The following TMEM221 variants were observed in gnomAD, a reference collection of about 807,000 sequenced individuals.
TMEM221 encodes transmembrane protein 221, also known as Putative transmembrane protein ENSP00000342162.
Under a neutral mutation model 10.2 loss-of-function variants are expected in TMEM221, and 11 were observed. The ratio of observed to expected loss-of-function variants is 1.08; its 90% CI spans 0.68 to 1.79. TMEM221 has a LOEUF of 1.79. Among genes scored for constraint, TMEM221 ranks in the 40% most tolerant of loss-of-function variants. TMEM221 has a pLI of 0.00. For synonymous variants in TMEM221, 172 were observed against 199.8 expected (o/e 0.86, Z 1.18); for missense variants, 382 against 417.7 (o/e 0.91, Z 0.75).
At position 17,436,412 on chromosome 19, in the gene TMEM221, A is replaced by G. The variant is rs567611874; in HGVS notation, c.*46T>C. On this transcript the variant is annotated 3_prime_UTR_variant, in exon 3 of 3. Transcript: ENST00000341130. ...TGCAGCTGAACCCGAACCTATCTCT[A>G]TGGTATCCTTTTCTTACACCAGGTC... is the stretch of plus-strand genomic sequence containing the variant. The G allele has an allele frequency of 4.3e-5, 62 of 1,435,502 alleles. No homozygotes were observed. In the African/African-American group the frequency reaches 8.5e-4, roughly 20 times the overall value. 88.9% of individuals were successfully genotyped at this position (1,435,502 alleles called of 1,614,324 possible).
intron 2 of TMEM221, among the ~76,000 whole-genome samples, chr19:17,442,984 CGTG>C (rs1568398275): frequency 6.6e-6 from 1 of 151,700 alleles, no homozygotes; most frequent in Admixed American, 6.6e-5. Flanking sequence ...GAGGGCCTGG[CGTG>C]GTGGCTCAGG....
chr19:17,446,446 G>T (rs936772326), intron 1 of TMEM221, among the ~76,000 whole-genome samples: 2 of 152,130 alleles, frequency 1.3e-5, no homozygotes, highest in Non-Finnish European at 2.9e-5. Flanking sequence ...ACCCCAAGAG[G>T]TGAGACTGAT....
At chr19:17,441,637 A>C (rs909383463) in intron 2 of TMEM221, among the ~76,000 whole-genome samples, 1 of 151,440 alleles carries the variant, frequency 6.6e-6, no homozygotes, top group African/African-American at 2.5e-5. Flanking sequence ...CTGAGACTTT[A>C]GCCTGGGCTA....
In TMEM221 at chr19:17,435,672, C is replaced by T. The variant is rs1017039448; in HGVS notation, c.*786G>A. On this transcript the variant is annotated 3_prime_UTR_variant, in exon 3 of 3. Transcript: ENST00000341130. ...TTGAGGACCTATTGTGTGGGGGTCC[C>T]CGGAATGCCTCACATGAAGTCATGT... is the stretch of plus-strand genomic sequence containing the variant. 6.6e-6 allele frequency: 1 copy of T among 152,210 alleles called. No individual in the cohort carries two copies. Among genetic ancestry groups the T allele is most frequent in the Non-Finnish European group, 1.5e-5 (1 of 68,070 alleles). The allele number at this position is 152,210 out of a possible 1,614,324, so 9.4% of individuals were successfully genotyped here.
At position 17,436,347 on chromosome 19, in the gene TMEM221, G is replaced by C; in HGVS notation, c.*111C>G. The C allele has an allele frequency of 9.2e-7, 1 of 1,083,292 alleles. No homozygotes were observed. The highest frequency in any genetic ancestry group is 1.3e-6 in the Non-Finnish European group (1 of 795,576). The allele number at this position is 1,083,292 out of a possible 1,614,324, so 67.1% of individuals were successfully genotyped here. A position where few individuals can be genotyped will look rare whatever the true frequency, so the allele number is the denominator to read the frequency against. ...GGCAACCTTGAGGACAAAAGCCAAG[G>C]ATGCAATAAAATGAGAGAAAAATCA... On this transcript the variant is annotated 3_prime_UTR_variant, in exon 3 of 3. Transcript: ENST00000341130.
At chr19:17,445,666 CCATCCATTTATCCATTCATCCATT>C (rs2074950231) in intron 1 of TMEM221, among the ~76,000 whole-genome samples, 1 of 151,718 alleles carries the variant, frequency 6.6e-6, no homozygotes. Flanking sequence ...ATCCATCCAT[CCATCCATTTATCCATTCATCCATT>C]CATCCACCCA....
At chr19:17,440,560 AC>A (rs1254122769) in intron 2 of TMEM221, among the ~76,000 whole-genome samples, 1 of 152,150 alleles carries the variant, frequency 6.6e-6, no homozygotes, top group Non-Finnish European at 1.5e-5. Flanking sequence ...GTACTTTGCC[AC>A]AGTGAAACTG....
Position 17,436,398 on chromosome 19 carries a change from C to T in TMEM221, c.*60G>A. 7.2e-7 allele frequency: 1 copy of T among 1,395,918 alleles called. No individual in the cohort carries two copies. Among genetic ancestry groups the T allele is most frequent in the Non-Finnish European group, 9.4e-7 (1 of 1,067,694 alleles). 86.5% of individuals were successfully genotyped at this position (1,395,918 alleles called of 1,614,324 possible). A position where few individuals can be genotyped will look rare whatever the true frequency, so the allele number is the denominator to read the frequency against. On this transcript the variant is annotated 3_prime_UTR_variant, in exon 3 of 3. Coordinates refer to ENST00000341130, the MANE Select transcript of TMEM221 (RefSeq NM_001190844.2). ...AGTCCTACTGCTACTGCAGCTGAAC[C>T]CGAACCTATCTCTATGGTATCCTTT...
chr19:17,439,313 G>A (rs1277750584), intron 2 of TMEM221, among the ~76,000 whole-genome samples: 4 of 151,978 alleles, frequency 2.6e-5, no homozygotes, highest in African/African-American at 9.7e-5. Flanking sequence ...GGATGAACCA[G>A]GAAAACATCG....
In TMEM221 at chr19:17,448,035, G is replaced by T; in HGVS notation, c.320+108C>A. ...ATGGAGTGGTGGGGAGAGGGAAGTG[G>T]GGAGGGAAGCTGTCCCCCCAGCCTG... is the stretch of plus-strand genomic sequence containing the variant. On this transcript the variant is annotated intron_variant, in intron 1 of 2. Transcript: ENST00000341130. This position sits in a 1 kb window ranked among gnomAD's most constrained non-coding sequence, Gnocchi z 4.7. 1 of 892,548 alleles carries T rather than the reference G, an allele frequency of 1.1e-6. No homozygotes were observed. The highest frequency in any genetic ancestry group is 1.5e-6 in the Non-Finnish European group (1 of 678,114). 55.3% of individuals were successfully genotyped at this position (892,548 alleles called of 1,614,324 possible).
At chr19:17,440,996 C>T (rs2074929681) in intron 2 of TMEM221, among the ~76,000 whole-genome samples, 1 of 152,030 alleles carries the variant, frequency 6.6e-6, no homozygotes, top group African/African-American at 2.4e-5. Flanking sequence ...TCACTTGAGG[C>T]CAGGAGTTTG....
intron 2 of TMEM221, among the ~76,000 whole-genome samples, chr19:17,437,317 T>C (rs1012335169): frequency 2.0e-5 from 3 of 152,096 alleles, no homozygotes; most frequent in African/African-American, 7.2e-5. Context: ...GCTGAGACCC[T>C]GGGGAAGAAG....
intron 2 of TMEM221, among the ~76,000 whole-genome samples, chr19:17,441,617 A>C (rs2074932198): frequency 6.6e-6 from 1 of 151,474 alleles, no homozygotes; most frequent in African/African-American, 2.5e-5. Context: ...TCAGCCTATC[A>C]GAGTCAGCCC....
At chr19:17,441,415 C>T (rs1173654335) in intron 2 of TMEM221, among the ~76,000 whole-genome samples, 1 of 152,020 alleles carries the variant, frequency 6.6e-6, no homozygotes, top group Non-Finnish European at 1.5e-5. Flanking sequence ...ACAAAAGTTC[C>T]TCTGAGGCCA....
At chr19:17,445,358 G>A in intron 1 of TMEM221, 74 bp from the exon 2 acceptor site, 1 of 1,276,128 alleles carries the variant, frequency 7.8e-7, no homozygotes, top group Admixed American at 2.2e-5. Context: ...TGAGGACAGG[G>A]AGGGAGAGCC....
chr19:17,439,559 G>A (rs1291009940), intron 2 of TMEM221, among the ~76,000 whole-genome samples: 1 of 151,932 alleles, frequency 6.6e-6, no homozygotes, highest in Non-Finnish European at 1.5e-5. Flanking sequence ...GTGGTGGCAC[G>A]TGCCTGTAAT....
At chr19:17,437,099 T>C (rs1257817420) in intron 2 of TMEM221, among the ~76,000 whole-genome samples, 172 bp from the exon 3 acceptor site, 1 of 152,062 alleles carries the variant, frequency 6.6e-6, no homozygotes, top group African/African-American at 2.4e-5. Context: ...TCACATCCAT[T>C]TTACAGAGAA....
rs967833795 is a variant in TMEM221 at position 17,438,115 on chromosome 19, A to C, written c.407-1188T>G. 5.0e-5 allele frequency among the ~76,000 whole-genome samples: 7 copies of C among 141,314 alleles called. No individual in the cohort carries two copies. The South Asian group carries it at 8.8e-4, about 18-fold the overall frequency. 92.7% of individuals were successfully genotyped at this position (141,314 alleles called of 152,430 possible). On this transcript the variant is annotated intron_variant, in intron 2 of 2. Coordinates refer to ENST00000341130, the MANE Select transcript of TMEM221 (RefSeq NM_001190844.2). Reference sequence around the variant, plus strand: ...TTTTTTTTTTTTTTTTTGAGACAGAATCTTGCTCTGTCACCCAGGCTGGAG... The same window carrying C: ...TTTTTTTTTTTTTTTTTGAGACAGACTCTTGCTCTGTCACCCAGGCTGGAG...
At chr19:17,438,809 G>T (rs1227888774) in intron 2 of TMEM221, among the ~76,000 whole-genome samples, 1 of 150,998 alleles carries the variant, frequency 6.6e-6, no homozygotes, top group Non-Finnish European at 1.5e-5. Context: ...TGTTGGTCAG[G>T]CTGGTCTCGA....
Sources: allele counts gnomAD v4.1 joint callset (sites outside exome capture counted in the v4.1 genomes callset), GRCh38; gene constraint gnomAD v4.1.1; non-coding constraint Gnocchi (gnomAD v3.1); transcripts MANE v1.5; gene names NCBI Gene and HGNC (gene_info 2026-07-23, HGNC 2026-07-21).